CELF2: variants seen among roughly 807,000 people sequenced by gnomAD.
CELF2 encodes CUGBP Elav-like family member 2.
In CELF2, 8 loss-of-function variants were observed where a neutral mutation model predicts 62.6. The ratio of observed to expected loss-of-function variants is 0.13; its 90% CI spans 0.07 to 0.23. CELF2 has a LOEUF of 0.23. Ranked by LOEUF, CELF2 falls within the 10% of genes least tolerant of loss-of-function variation. CELF2 has a pLI of 1.00. For synonymous variants in CELF2, 258 were observed against 250.0 expected, an observed-to-expected ratio of 1.03 and a Z score of -0.30; for missense variants, 333 against 671.0, an observed-to-expected ratio of 0.50 and a Z score of 5.56.
intron 2 of CELF2, chr10:10,922,991 T>C (rs904216808): frequency 3.3e-5 from 5 of 152,072 alleles, no homozygotes; most frequent in Admixed American, 2.6e-4. Context: ...CTTTTGCTAG[T>C]GTTTGTTTGT....
intron 2 of CELF2, chr10:10,935,294 T>C (rs1284431784): frequency 6.6e-6 from 1 of 152,214 alleles, no homozygotes; most frequent in East Asian, 1.9e-4. Context: ...GCAACTTCCA[T>C]GATGCAAGAA....
the CELF2 span, among the ~76,000 whole-genome samples, chr10:10,752,799 T>C: frequency 3.1e-5 from 2 of 65,338 alleles, no homozygotes; most frequent in Non-Finnish European, 5.4e-5. Flanking sequence ...AAAATACCGG[T>C]AGTAAAAAAA....
At chr10:10,544,035 A>G in the CELF2 span, among the ~76,000 whole-genome samples, 3 of 152,244 alleles carry the variant, frequency 2.0e-5, no homozygotes, top group Non-Finnish European at 4.4e-5. Flanking sequence ...TCCCTAAAAC[A>G]ACTGAAGGCA....
chr10:11,225,751 A>G (rs1302929274), intron 3 of CELF2, among the ~76,000 whole-genome samples: 1 of 152,192 alleles, frequency 6.6e-6, no homozygotes, highest in Non-Finnish European at 1.5e-5. Context: ...ATGAGGTTTC[A>G]GGATTTTTGG....
At chr10:10,739,934 G>A in the CELF2 span, among the ~76,000 whole-genome samples, 94,347 of 151,876 alleles carry the variant, frequency 0.62, 29,544 homozygotes, top group Middle Eastern at 0.71. Context: ...TTTTAATCAG[G>A]TTATTTGTTT....
Position 11,324,199 on chromosome 10 carries a change from CTG to C in CELF2, c.1295-1635_1295-1634del, listed in dbSNP as rs770822245. ...CAGTCATCTGTCATGTGCATTGAAA[CTG>C]TATTTTCTCCCCGGCTTCAGGAGGT... On this transcript the variant is annotated intron_variant, in intron 11 of 12. Transcript: ENST00000633077. This position sits in a 1 kb window ranked among gnomAD's most constrained non-coding sequence, Gnocchi z 4.7. Among the ~76,000 whole-genome samples, 73 of 152,340 alleles carry C rather than the reference CTG, an allele frequency of 4.8e-4. No homozygotes were observed. Among genetic ancestry groups the C allele is most frequent in the Non-Finnish European group, 7.6e-4 (52 of 68,036 alleles).
intron 2 of CELF2, among the ~76,000 whole-genome samples, chr10:11,188,138 T>A (rs968951221): frequency 2.0e-5 from 3 of 152,238 alleles, no homozygotes; most frequent in Non-Finnish European, 4.4e-5. Flanking sequence ...TGAGTTTCGC[T>A]CTTGTTGCCC....
chr10:10,672,510 C>T, the CELF2 span, among the ~76,000 whole-genome samples: 2 of 147,260 alleles, frequency 1.4e-5, no homozygotes, highest in African/African-American at 5.0e-5. Context: ...TTTTTAATTG[C>T]ATATGCATGT....
At position 11,156,462 on chromosome 10, in the gene CELF2, C is replaced by T. The variant is rs1180990999; in HGVS notation, c.75-9024C>T. On this transcript the variant is annotated intron_variant, in intron 1 of 12. Coordinates refer to ENST00000633077, the MANE Select transcript of CELF2 (RefSeq NM_001326342.2). The surrounding 1 kb of genome is among the most constrained non-coding windows in gnomAD (Gnocchi z 4.3). The stretch of plus-strand genomic sequence containing the variant: ...AATATTGCAGCCCTCTTATTTAATA[C>T]CCTGCAACGCCCTCCCCTGCATGCT... Among the ~76,000 whole-genome samples, 3 of 152,150 alleles carry T rather than the reference C, an allele frequency of 2.0e-5. No homozygotes were observed. The highest frequency in any genetic ancestry group is 2.9e-5 in the Non-Finnish European group (2 of 68,032).
intron 2 of CELF2, among the ~76,000 whole-genome samples, chr10:10,920,920 G>C (rs78619983): frequency 2.0e-5 from 3 of 152,002 alleles, no homozygotes; most frequent in African/African-American, 7.3e-5. Flanking sequence ...TCTCTCCTGA[G>C]CACCAAGGAT....
intron 3 of CELF2, among the ~76,000 whole-genome samples, chr10:11,234,022 C>T (rs1432412835): frequency 2.0e-5 from 3 of 152,218 alleles, no homozygotes; most frequent in Non-Finnish European, 4.4e-5. Flanking sequence ...GTGAGATCCA[C>T]GCTCTATACT....
At chr10:11,182,897 C>T (rs537197582) in intron 2 of CELF2, among the ~76,000 whole-genome samples, 133 of 152,134 alleles carry the variant, frequency 8.7e-4, no homozygotes, top group Non-Finnish European at 1.4e-3. Flanking sequence ...ATGTTCCTAC[C>T]GCCATTTGTG....
chr10:11,266,787 T>C (rs945933899), intron 6 of CELF2, 110 bp downstream of exon 6: 2 of 738,280 alleles, frequency 2.7e-6, no homozygotes, highest in South Asian at 2.1e-5. Context: ...ATGTAAACTT[T>C]CACCATCTCA....
At chr10:10,728,531 T>C in the CELF2 span, among the ~76,000 whole-genome samples, 1 of 151,508 alleles carries the variant, frequency 6.6e-6, no homozygotes, top group Non-Finnish European at 1.5e-5. Context: ...CAGGAAGGCC[T>C]GGCATTTGGC....
At chr10:10,889,280 G>A (rs890625483) in intron 1 of CELF2, among the ~76,000 whole-genome samples, 5 of 152,152 alleles carry the variant, frequency 3.3e-5, no homozygotes, top group East Asian at 1.9e-4. Context: ...GAGCCATTTC[G>A]CAGGGGTTAA....
intron 9 of CELF2, among the ~76,000 whole-genome samples, chr10:11,310,152 G>T (rs978966674): frequency 1.3e-5 from 2 of 152,204 alleles, no homozygotes; most frequent in South Asian, 4.1e-4. Context: ...GACTGAGGTA[G>T]GGACCCCTCT....
At chr10:10,955,938 T>A (rs995438703) in intron 2 of CELF2, among the ~76,000 whole-genome samples, 1 of 152,158 alleles carries the variant, frequency 6.6e-6, no homozygotes, top group Non-Finnish European at 1.5e-5. Context: ...GTTTAAACAC[T>A]AACCCGAGCC....
rs1251115040 is a variant in CELF2 at position 11,247,456 on chromosome 10, AGGC to A, written c.355-1696_355-1694del. 1.2e-4 allele frequency among the ~76,000 whole-genome samples: 19 copies of A among 152,142 alleles called. No individual in the cohort carries two copies. Among genetic ancestry groups the A allele is most frequent in the African/African-American group, 4.6e-4 (19 of 41,438 alleles). Reference sequence around the variant, plus strand: ...AGATGCAGCCTTGGCTTTCCTCGCCAGGCAGGATTAAGTCCCACACCCCTGGAC... The same window carrying A: ...AGATGCAGCCTTGGCTTTCCTCGCCAAGGATTAAGTCCCACACCCCTGGAC... On this transcript the variant is annotated intron_variant, in intron 3 of 12. Coordinates refer to ENST00000633077, the MANE Select transcript of CELF2 (RefSeq NM_001326342.2). This position sits in a 1 kb window ranked among gnomAD's most constrained non-coding sequence, Gnocchi z 5.4.
chr10:10,693,958 A>G, the CELF2 span, among the ~76,000 whole-genome samples: 10 of 151,658 alleles, frequency 6.6e-5, no homozygotes, highest in African/African-American at 2.4e-4. Flanking sequence ...CTTTCAAAAA[A>G]CCAGCTCCTG....
Sources: gnomAD v4.1 joint callset for allele counts (sites outside exome capture counted in the v4.1 genomes callset) on GRCh38, gnomAD v4.1.1 for gene constraint, Gnocchi (gnomAD v3.1) non-coding constraint, MANE v1.5 for transcripts, NCBI Gene and HGNC (gene_info 2026-07-23, HGNC 2026-07-21) for gene names.